Variants in NCKAP5 observed in about 807,000 individuals in gnomAD.
NCKAP5 encodes nck-associated protein 5.
NCKAP5 carries 92 observed loss-of-function variants against 167.0 expected under a neutral mutation model. The ratio of observed to expected loss-of-function variants is 0.55; its 90% CI spans 0.47 to 0.66. NCKAP5 has a LOEUF of 0.66. Among genes scored for constraint, NCKAP5 ranks in the 30% least tolerant of loss-of-function variants. NCKAP5 has a pLI of 0.00. For synonymous variants in NCKAP5, 891 were observed against 877.4 expected, an observed-to-expected ratio of 1.02 and a Z score of -0.27; for missense variants, 2,378 against 2,315.0, an observed-to-expected ratio of 1.03 and a Z score of -0.56.
intron 2 of NCKAP5, among the ~76,000 whole-genome samples, chr2:133,547,010 AGTGGGTGCGCGCACCGTGCGC>A (rs1466667705): frequency 1.3e-5 from 2 of 152,164 alleles, no homozygotes; most frequent in Admixed American, 6.5e-5. Context: ...GGCGCAGGCC[AGTGGGTGCGCGCACCGTGCGC>A]GAGCTGAAGC....
Position 133,501,283 on chromosome 2 carries a change from A to G in NCKAP5, c.69+16175T>C, listed in dbSNP as rs564962585. 1.1e-4 allele frequency among the ~76,000 whole-genome samples: 17 copies of G among 152,330 alleles called. No homozygotes were observed. In the East Asian group the frequency reaches 3.3e-3, roughly 29 times the overall value. On this transcript the variant is annotated intron_variant, in intron 3 of 19. Transcript: ENST00000409261. ...TACTATAAGCTGAGGACATGGAATG[A>G]TAACTACAAATACATTGTCCTGCAG...
chr2:132,772,166 C>T (rs986264779), intron 16 of NCKAP5, among the ~76,000 whole-genome samples: 1 of 151,992 alleles, frequency 6.6e-6, no homozygotes, highest in Admixed American at 6.6e-5. Flanking sequence ...GTAGGCTATA[C>T]CATCTAGGTT....
rs552674017 is a variant in NCKAP5 at position 133,248,908 on chromosome 2, T to C, written c.144-35129A>G. ...TCTTATCCTGAGAAAAATCATCTGC[T>C]CCTCACTACTCAGTTTTAAATTGGC... On this transcript the variant is annotated intron_variant, in intron 4 of 19. Coordinates refer to ENST00000409261, the MANE Select transcript of NCKAP5 (RefSeq NM_207363.3). Among the ~76,000 whole-genome samples the C allele has an allele frequency of 7.9e-5, 12 of 152,316 alleles. No homozygotes were observed. The East Asian group carries it at 2.1e-3, about 27-fold the overall frequency.
At position 133,213,789 on chromosome 2, in the gene NCKAP5, C is replaced by A. The variant is rs1391283560; in HGVS notation, c.144-10G>T. The stretch of plus-strand genomic sequence containing the variant: ...CACTGCCAACTTCTCCCTGAAGAAA[C>A]AAAAACACATGATTAGTTGACCATT... On this transcript the variant is annotated splice_polypyrimidine_tract_variant and intron_variant, in intron 4 of 19. Coordinates refer to ENST00000409261, the MANE Select transcript of NCKAP5 (RefSeq NM_207363.3). The A allele has an allele frequency of 1.9e-6, 3 of 1,613,660 alleles. No individual in the cohort carries two copies. Among genetic ancestry groups the A allele is most frequent in the South Asian group, 2.2e-5 (2 of 91,046 alleles).
chr2:132,785,015 T>C lies in NCKAP5; in HGVS notation c.1796A>G (p.Lys599Arg). Reference protein sequence around the residue: ...DELHIESSDEKSPSDVSLAAD... With the variant: ...DELHIESSDERSPSDVSLAAD... ...AGCCAATGACACGTCTGAAGGACTT[T>C]TCTCATCACTGCTCTCTATGTGCAG... Residue 599 changes from lysine to arginine, a missense_variant, in exon 14 of 20, where the codon AAA (lysine) becomes AGA (arginine). Lys to Arg is a conservative substitution (Grantham distance 26). Around this residue, in one of 3 missense-constraint regions of NCKAP5, gnomAD observed 1,049 missense variants for 1,023.4 expected, o/e 1.02. Transcript: ENST00000409261. The C allele has an allele frequency of 1.2e-6, 2 of 1,614,014 alleles. No homozygotes were observed. Among genetic ancestry groups the C allele is most frequent in the Non-Finnish European group, 1.7e-6 (2 of 1,179,880 alleles).
chr2:132,673,324 A>G lies in NCKAP5; in HGVS notation c.5714-19T>C, dbSNP rs1683978564. On this transcript the variant is annotated intron_variant, in intron 19 of 19. Transcript: ENST00000409261. ...TCAATTTCTGCAATAAAAAGAAGAA[A>G]ATATTAGAAACATATTTCTTTGGAA... 2.1e-6 allele frequency: 3 copies of G among 1,415,594 alleles called. No individual in the cohort carries two copies. Among genetic ancestry groups the G allele is most frequent in the Non-Finnish European group, 9.6e-7 (1 of 1,043,184 alleles). The allele number at this position is 1,415,594 out of a possible 1,614,324, so 87.7% of individuals were successfully genotyped here. A position where few individuals can be genotyped will look rare whatever the true frequency, so the allele number is the denominator to read the frequency against.
chr2:133,129,168 A>G (rs1432605660), intron 6 of NCKAP5, among the ~76,000 whole-genome samples: 1 of 151,300 alleles, frequency 6.6e-6, no homozygotes, highest in Non-Finnish European at 1.5e-5. Flanking sequence ...ATATGTATAC[A>G]TGTGCCATGC....
chr2:133,612,410 T>C, the NCKAP5 span, among the ~76,000 whole-genome samples: 2 of 152,228 alleles, frequency 1.3e-5, no homozygotes, highest in African/African-American at 2.4e-5. Context: ...TATCCCAGTA[T>C]GGATTTTCAA....
At chr2:133,650,620 A>G in the NCKAP5 span, among the ~76,000 whole-genome samples, 2 of 152,202 alleles carry the variant, frequency 1.3e-5, no homozygotes, top group African/African-American at 4.8e-5. Context: ...CATGCCTGTA[A>G]TCCCAACACT....
chr2:132,805,663 A>C (rs1406816686), intron 11 of NCKAP5, among the ~76,000 whole-genome samples: 1 of 34,394 alleles, frequency 2.9e-5, no homozygotes, highest in Non-Finnish European at 6.1e-5. Context: ...AACTATGCAA[A>C]AAAAAAAAAA....
chr2:133,022,827 A>G (rs938453712), intron 6 of NCKAP5, among the ~76,000 whole-genome samples: 2 of 152,150 alleles, frequency 1.3e-5, no homozygotes, highest in African/African-American at 4.8e-5. Context: ...TTTGTAGCTC[A>G]GCCAAAGAAC....
chr2:132,963,219 A>C (rs1368131483), intron 8 of NCKAP5, among the ~76,000 whole-genome samples: 3 of 151,758 alleles, frequency 2.0e-5, no homozygotes, highest in Non-Finnish European at 2.9e-5. Context: ...AAATCTCCTT[A>C]AGTCTCCTTA....
At chr2:132,778,327 A>G (rs1349546899) in intron 15 of NCKAP5, among the ~76,000 whole-genome samples, 1 of 143,042 alleles carries the variant, frequency 7.0e-6, no homozygotes, top group African/African-American at 2.5e-5. Flanking sequence ...AATTTAATTC[A>G]GACAAACATT....
chr2:132,765,835 A>G (rs1426446457), intron 16 of NCKAP5, among the ~76,000 whole-genome samples: 1 of 152,154 alleles, frequency 6.6e-6, no homozygotes, highest in African/African-American at 2.4e-5. Flanking sequence ...GGCCAATGGG[A>G]TGTTAGCAGA....
chr2:133,575,742 G>C, the NCKAP5 span, among the ~76,000 whole-genome samples: 1 of 152,180 alleles, frequency 6.6e-6, no homozygotes, highest in Non-Finnish European at 1.5e-5. Flanking sequence ...TCCTACTGCT[G>C]CTGGCCAAAT....
intron 3 of NCKAP5, among the ~76,000 whole-genome samples, chr2:133,308,975 G>T (rs1282584934): frequency 6.6e-6 from 1 of 151,666 alleles, no homozygotes; most frequent in African/African-American, 2.4e-5. Context: ...CTCCCAAAGT[G>T]CTGGGATTAC....
At position 133,012,421 on chromosome 2, in the gene NCKAP5, G is replaced by C. The variant is rs188689687; in HGVS notation, c.342-18182C>G. 5.4e-4 allele frequency among the ~76,000 whole-genome samples: 82 copies of C among 152,220 alleles called. 1 individual carries two copies. In the East Asian group the frequency reaches 0.014, roughly 26 times the overall value. ...CGCCGCCATGCCTGGCTAAGTTTTT[G>C]TATTTTTAGTAGGGACGGGGGTTTC... is the stretch of plus-strand genomic sequence containing the variant. On this transcript the variant is annotated intron_variant, in intron 6 of 19. Transcript: ENST00000409261.
intron 3 of NCKAP5, among the ~76,000 whole-genome samples, chr2:133,346,397 G>A (rs1197179722): frequency 2.0e-5 from 3 of 152,134 alleles, no homozygotes; most frequent in Admixed American, 6.5e-5. Flanking sequence ...AGGATGAGAG[G>A]GGATGAGAAA....
At chr2:132,751,223 C>T (rs1680084757) in intron 16 of NCKAP5, among the ~76,000 whole-genome samples, 1 of 151,892 alleles carries the variant, frequency 6.6e-6, no homozygotes, top group Admixed American at 6.6e-5. Context: ...AGAGAGATTT[C>T]CCTCTATCCC....
Sources: gnomAD v4.1 joint callset for allele counts (sites outside exome capture counted in the v4.1 genomes callset) on GRCh38, gnomAD v4.1.1 for gene constraint, gnomAD v4.1.1 regional missense constraint, MANE v1.5 for transcripts, NCBI Gene and HGNC (gene_info 2026-07-23, HGNC 2026-07-21) for gene names.